Variants in DGKB observed in about 807,000 individuals in gnomAD.
The protein encoded by DGKB is diacylglycerol kinase beta.
DGKB carries 67 observed loss-of-function variants against 114.3 expected under a neutral mutation model. That is an observed-to-expected ratio of 0.59 (90% CI 0.48 to 0.72). The LOEUF is 0.72. Among genes scored for constraint, DGKB ranks in the 30% least tolerant of loss-of-function variants. The probability of loss-of-function intolerance (pLI) is 0.00; values close to 1 mark genes in which losing one functional copy is unlikely to be tolerated. For missense variants in DGKB, 907 were observed against 975.2 expected (o/e 0.93, Z 0.93); for synonymous variants, 398 against 323.1 (o/e 1.23, Z -2.49).
At chr7:14,160,798 C>A (rs965041216) in intron 25 of DGKB, among the ~76,000 whole-genome samples, 1 of 152,086 alleles carries the variant, frequency 6.6e-6, no homozygotes, top group African/African-American at 2.4e-5. Context: ...CAAAAAAGAG[C>A]CCGTATAGCC....
upstream of DGKB, among the ~76,000 whole-genome samples, chr7:14,906,604 C>A (rs13232296): frequency 2.0e-5 from 3 of 151,948 alleles, no homozygotes; most frequent in Non-Finnish European, 4.4e-5. Context: ...CAGGCGCATG[C>A]CACCATGCCC....
chr7:14,648,415 C>G (rs1169802059), intron 13 of DGKB, among the ~76,000 whole-genome samples: 3 of 152,148 alleles, frequency 2.0e-5, no homozygotes, highest in African/African-American at 7.2e-5. Flanking sequence ...GGTACTCCAA[C>G]AGACCTGCAG....
At chr7:14,308,813 G>T (rs2128501539) in intron 23 of DGKB, among the ~76,000 whole-genome samples, 1 of 152,280 alleles carries the variant, frequency 6.6e-6, no homozygotes, top group Admixed American at 6.5e-5. Flanking sequence ...TAAAATAAGT[G>T]AAACAATGGG....
chr7:14,516,332 C>T lies in DGKB; in HGVS notation c.1771-38107G>A, dbSNP rs140039327. 4.4e-3 allele frequency among the ~76,000 whole-genome samples: 676 copies of T among 152,190 alleles called. 1 individual carries two copies. Among genetic ancestry groups the T allele is most frequent in the African/African-American group, 0.012 (485 of 41,526 alleles). ...AATATGTCTATAAAAATCAAATATC[C>T]ACTCTCTCCCAGTGCCATTTGTAAC... On this transcript the variant is annotated intron_variant, in intron 20 of 25. Transcript: ENST00000402815.
chr7:14,939,274 G>A (rs1221447199), intron 1 of DGKB, among the ~76,000 whole-genome samples: 2 of 152,020 alleles, frequency 1.3e-5, no homozygotes, highest in Admixed American at 6.5e-5. Flanking sequence ...AATTTATCTC[G>A]TGCCCAGAGT....
At chr7:14,373,548 T>A (rs551770353) in intron 21 of DGKB, among the ~76,000 whole-genome samples, 1 of 152,308 alleles carries the variant, frequency 6.6e-6, no homozygotes, top group Admixed American at 6.5e-5. Flanking sequence ...CTGAATCTAA[T>A]TTAAAGTTGA....
At chr7:14,180,367 C>G (rs1782460408) in intron 23 of DGKB, among the ~76,000 whole-genome samples, 1 of 152,134 alleles carries the variant, frequency 6.6e-6, no homozygotes, top group East Asian at 1.9e-4. Flanking sequence ...TGTCTACCAC[C>G]CTCCTTCTGA....
At chr7:14,924,809 A>C (rs1002384509) in intron 1 of DGKB, among the ~76,000 whole-genome samples, 1 of 152,144 alleles carries the variant, frequency 6.6e-6, no homozygotes, top group African/African-American at 2.4e-5. Flanking sequence ...ACACTGAAGT[A>C]CCCTTTACCC....
intron 13 of DGKB, 53 bp downstream of exon 13, chr7:14,672,876 C>G: frequency 9.2e-7 from 1 of 1,090,378 alleles, no homozygotes; most frequent in South Asian, 1.4e-5. Context: ...GTATACGATA[C>G]TGATAAGTCA....
At position 14,178,106 on chromosome 7, in the gene DGKB, A is replaced by G; in HGVS notation, c.2168T>C (p.Met723Thr). ...GCCTGTGTATATTTGCCCCATCTCC[A>G]TGGCTCCTTCCAAGCCGACCACCTC... is the stretch of plus-strand genomic sequence containing the variant. ...LLEVVGLEGA[M>T]EMGQIYTGLK... The change falls in exon 24 of 26, where the codon ATG becomes ACG. Residue 723 changes from methionine (M) to threonine (T), a missense_variant. Coordinates refer to ENST00000402815, the MANE Select transcript of DGKB (RefSeq NM_001350709.2). The G allele has an allele frequency of 6.2e-7, 1 of 1,612,998 alleles. No homozygotes were observed. Among genetic ancestry groups the G allele is most frequent in the Non-Finnish European group, 8.5e-7 (1 of 1,179,640 alleles).
In DGKB at chr7:14,545,792, C is replaced by T. The variant is rs555282010; in HGVS notation, c.1770+28420G>A. Among the ~76,000 whole-genome samples the T allele has an allele frequency of 1.9e-4, 29 of 152,244 alleles. No homozygotes were observed. In the South Asian group the frequency reaches 5.8e-3, roughly 31 times the overall value. ...ACTGGGTGAGAAAGAGGGCAGGAAA[C>T]TTGTTATTTTTGATTCTAGGTCTCT... On this transcript the variant is annotated intron_variant, in intron 20 of 25. Transcript: ENST00000402815.
chr7:14,403,654 T>A (rs1353545875), intron 21 of DGKB, among the ~76,000 whole-genome samples: 1 of 151,982 alleles, frequency 6.6e-6, no homozygotes, highest in African/African-American at 2.4e-5. Context: ...TCCCATTGTA[T>A]CCATTAGTTT....
At chr7:14,938,616 C>G (rs928091185) in intron 1 of DGKB, among the ~76,000 whole-genome samples, 1 of 147,434 alleles carries the variant, frequency 6.8e-6, no homozygotes, top group Non-Finnish European at 1.5e-5. Flanking sequence ...TTCTTTCTTT[C>G]TTTTTTTTTT....
intron 25 of DGKB, among the ~76,000 whole-genome samples, chr7:14,169,231 G>T (rs1216979312): frequency 6.6e-6 from 1 of 151,504 alleles, no homozygotes; most frequent in Admixed American, 6.6e-5. Context: ...CAGGTGTGGT[G>T]GCGGGCGCCT....
chr7:14,777,466 T>G (rs558937946), intron 2 of DGKB, among the ~76,000 whole-genome samples: 6 of 152,158 alleles, frequency 3.9e-5, no homozygotes, highest in Non-Finnish European at 7.4e-5. Flanking sequence ...GGGAGGTAAC[T>G]GAATCATGGT....
chr7:14,855,552 A>C (rs1287916749), intron 1 of DGKB, among the ~76,000 whole-genome samples: 1 of 152,062 alleles, frequency 6.6e-6, no homozygotes, highest in Non-Finnish European at 1.5e-5. Context: ...CACACAATAC[A>C]TACATACCCC....
chr7:14,231,100 T>TTTC lies in DGKB; in HGVS notation c.2123-52952_2123-52950dup, dbSNP rs1262244615. On this transcript the variant is annotated intron_variant, in intron 23 of 25. Transcript: ENST00000402815. ...TTCTTTCCCTTTCTTTCTTTCTTTC[T>TTTC]TTCTTTCTTTCTTTCTTTCTTTCTT... Among the ~76,000 whole-genome samples, 5 of 117,456 alleles carry TTTC rather than the reference T, an allele frequency of 4.3e-5. No individual in the cohort carries two copies. The East Asian group carries it at 1.2e-3, about 29-fold the overall frequency. 77.1% of individuals were successfully genotyped at this position (117,456 alleles called of 152,430 possible).
At chr7:14,974,292 C>T (rs1218943720) in intron 1 of DGKB, among the ~76,000 whole-genome samples, 3 of 151,906 alleles carry the variant, frequency 2.0e-5, no homozygotes, top group African/African-American at 4.8e-5. Context: ...ATAGGACACC[C>T]CTGGGGAAAG....
At chr7:14,771,786 T>C (rs2128472746) in intron 2 of DGKB, among the ~76,000 whole-genome samples, 1 of 152,160 alleles carries the variant, frequency 6.6e-6, no homozygotes, top group African/African-American at 2.4e-5. Flanking sequence ...AGAATCCCCT[T>C]CCCCCTTTGT....
Sources: allele counts gnomAD v4.1 joint callset (sites outside exome capture counted in the v4.1 genomes callset), GRCh38; gene constraint gnomAD v4.1.1; transcripts MANE v1.5; gene names NCBI Gene and HGNC (gene_info 2026-07-23, HGNC 2026-07-21).